The following ACOXL variants were observed in gnomAD, a reference collection of about 807,000 sequenced individuals.
ACOXL encodes acyl-CoA oxidase like.
ACOXL carries 70 observed loss-of-function variants against 71.9 expected under a neutral mutation model. The ratio of observed to expected loss-of-function variants is 0.97; its 90% CI spans 0.80 to 1.19. The LOEUF (loss-of-function observed/expected upper bound fraction) is 1.19. Ranked by LOEUF, ACOXL falls within the 50% of genes most tolerant of loss-of-function variation. ACOXL has a pLI of 0.00. For missense variants in ACOXL, 703 were observed against 736.3 expected (o/e 0.95, Z 0.52); for synonymous variants, 253 against 281.6 (o/e 0.90, Z 1.02).
chr2:111,044,195 G>A (rs941248852), intron 15 of ACOXL, among the ~76,000 whole-genome samples: 1 of 152,174 alleles, frequency 6.6e-6, no homozygotes, highest in Non-Finnish European at 1.5e-5. Context: ...GCACCTCCAG[G>A]TCTACCCTAC....
intron 11 of ACOXL, among the ~76,000 whole-genome samples, chr2:110,909,746 C>T (rs2059584628): frequency 6.6e-6 from 1 of 150,666 alleles, no homozygotes; most frequent in Admixed American, 6.7e-5. Context: ...TAGTGTGCTG[C>T]TGACTATGGA....
At chr2:110,864,583 C>G (rs976475217) in intron 10 of ACOXL, among the ~76,000 whole-genome samples, 1 of 152,156 alleles carries the variant, frequency 6.6e-6, no homozygotes, top group Non-Finnish European at 1.5e-5. Context: ...TATATCTTAC[C>G]TCTTATATTC....
chr2:110,996,805 G>A (rs1301317844), intron 14 of ACOXL, among the ~76,000 whole-genome samples: 1 of 152,202 alleles, frequency 6.6e-6, no homozygotes, highest in Non-Finnish European at 1.5e-5. Flanking sequence ...GGAAGAGGAT[G>A]GATGGTACAT....
At chr2:110,805,187 A>G (rs1429041175) in intron 8 of ACOXL, 76 bp from the exon 9 acceptor site, 7 of 1,579,954 alleles carry the variant, frequency 4.4e-6, no homozygotes, top group African/African-American at 2.7e-5. Flanking sequence ...GTGTATGCAC[A>G]TGGGAGCCAC....
intron 2 of ACOXL, among the ~76,000 whole-genome samples, chr2:110,778,318 G>A (rs973962798): frequency 1.3e-5 from 2 of 152,138 alleles, no homozygotes; most frequent in Admixed American, 1.3e-4. Flanking sequence ...AATGATGCAT[G>A]TTCATTACAG....
At chr2:110,804,969 C>G (rs1408958317) in intron 8 of ACOXL, among the ~76,000 whole-genome samples, 1 of 152,180 alleles carries the variant, frequency 6.6e-6, no homozygotes, top group African/African-American at 2.4e-5. Flanking sequence ...AATTTTATGG[C>G]ATGTGAATTA....
At chr2:110,866,810 G>A (rs971182767) in intron 10 of ACOXL, among the ~76,000 whole-genome samples, 1 of 152,138 alleles carries the variant, frequency 6.6e-6, no homozygotes, top group Non-Finnish European at 1.5e-5. Context: ...CTGACTCACT[G>A]AGCATAAACG....
At chr2:111,025,513 AT>A (rs1467607902) in intron 14 of ACOXL, among the ~76,000 whole-genome samples, 1 of 152,136 alleles carries the variant, frequency 6.6e-6, no homozygotes. Flanking sequence ...CATTTTAGCC[AT>A]TTTAGTGGGT....
chr2:110,865,021 T>G (rs1293933438), intron 10 of ACOXL, among the ~76,000 whole-genome samples: 2 of 134,670 alleles, frequency 1.5e-5, no homozygotes, highest in Non-Finnish European at 3.4e-5. Context: ...GCCTTCCAAC[T>G]CTGCTGAGTT....
intron 1 of ACOXL, among the ~76,000 whole-genome samples, chr2:110,735,987 C>T (rs953683069): frequency 1.3e-5 from 2 of 151,978 alleles, no homozygotes; most frequent in African/African-American, 4.8e-5. Context: ...CTTCTCACAC[C>T]CTTCTTCTCC....
At chr2:110,899,662 A>G (rs1025846427) in intron 10 of ACOXL, among the ~76,000 whole-genome samples, 1 of 152,174 alleles carries the variant, frequency 6.6e-6, no homozygotes, top group African/African-American at 2.4e-5. Flanking sequence ...AGCTCACCCC[A>G]GGCAGCCTCA....
intron 14 of ACOXL, among the ~76,000 whole-genome samples, chr2:111,005,884 T>C (rs767190273): frequency 6.6e-6 from 1 of 152,164 alleles, no homozygotes; most frequent in African/African-American, 2.4e-5. Context: ...AATCCAGTGC[T>C]GGTCGGTTTG....
chr2:110,842,400 G>A (rs35723285), intron 10 of ACOXL, among the ~76,000 whole-genome samples: 11,773 of 152,164 alleles, frequency 0.077, 626 homozygotes, highest in Admixed American at 0.15. Flanking sequence ...ACATTTTCCT[G>A]GCCCATTGCT....
At position 110,986,847 on chromosome 2, in the gene ACOXL, G is replaced by A. The variant is rs151160762; in HGVS notation, c.1060-261G>A. ...TAAAACAGTTGGTCCCAGGACCAGTGTTAGAGACTGATACAGGCAAGAAGG... is the reference window on the plus strand; with the variant it reads ...TAAAACAGTTGGTCCCAGGACCAGTATTAGAGACTGATACAGGCAAGAAGG... On this transcript the variant is annotated intron_variant, in intron 12 of 17. Transcript: ENST00000439055. 1.1e-4 allele frequency among the ~76,000 whole-genome samples: 16 copies of A among 152,222 alleles called. No homozygotes were observed. In the East Asian group the frequency reaches 3.1e-3, roughly 29 times the overall value.
At chr2:110,904,330 G>C (rs1014139775) in intron 10 of ACOXL, among the ~76,000 whole-genome samples, 2 of 152,138 alleles carry the variant, frequency 1.3e-5, no homozygotes, top group Non-Finnish European at 2.9e-5. Flanking sequence ...TCTGAGAATT[G>C]AATTTTGTTC....
intron 11 of ACOXL, among the ~76,000 whole-genome samples, chr2:110,918,795 G>GA (rs910799098): frequency 6.6e-6 from 1 of 151,916 alleles, no homozygotes; most frequent in African/African-American, 2.4e-5. Context: ...ACAAACATAT[G>GA]AAAAAAAACT....
In ACOXL at chr2:110,891,632, C is replaced by G. The variant is rs192061013; in HGVS notation, c.789-17157C>G. On this transcript the variant is annotated intron_variant, in intron 10 of 17. Coordinates refer to ENST00000439055, the MANE Select transcript of ACOXL (RefSeq NM_001142807.4). ...TTTTTACTGAAATTTAGATCTTCCT[C>G]CATTTGCTGTATGCCTTAGAGCAGT... Among the ~76,000 whole-genome samples, 5 of 152,060 alleles carry G rather than the reference C, an allele frequency of 3.3e-5. No homozygotes were observed. The South Asian group carries it at 1.0e-3, about 32-fold the overall frequency.
At chr2:111,103,517 G>A (rs760639833) in intron 17 of ACOXL, among the ~76,000 whole-genome samples, 8 of 152,048 alleles carry the variant, frequency 5.3e-5, no homozygotes, top group Non-Finnish European at 1.2e-4. Flanking sequence ...AACCTAATTG[G>A]CTATTGCTGA....
chr2:111,001,547 C>T (rs1016095738), intron 14 of ACOXL, among the ~76,000 whole-genome samples: 11 of 152,182 alleles, frequency 7.2e-5, no homozygotes. Context: ...TAGGACTGTG[C>T]CCTTATTAAG....
Sources: gnomAD v4.1 joint callset for allele counts (sites outside exome capture counted in the v4.1 genomes callset) on GRCh38, gnomAD v4.1.1 for gene constraint, MANE v1.5 for transcripts, NCBI Gene and HGNC (gene_info 2026-07-23, HGNC 2026-07-21) for gene names.